TANC2: variants seen among roughly 807,000 people sequenced by gnomAD.
TANC2 encodes the protein tetratricopeptide repeat, ankyrin repeat and coiled-coil containing 2, also known as protein TANC2.
In TANC2, 26 loss-of-function variants were observed where a neutral mutation model predicts 210.5. The observed-to-expected ratio is 0.12, with a 90% confidence interval of 0.09 to 0.17. The LOEUF (loss-of-function observed/expected upper bound fraction) is 0.17, where lower values mean the gene tolerates loss of function less well. TANC2 is among the 10% of genes least tolerant of loss of function. TANC2 has a pLI of 1.00. For missense variants in TANC2, 2,129 were observed against 2,608.9 expected (o/e 0.82, Z 4.01); for synonymous variants, 931 against 967.1 (o/e 0.96, Z 0.69).
chr17:63,413,322 A>G (rs1181367743), intron 24 of TANC2: 5 of 444,462 alleles, frequency 1.1e-5, no homozygotes, highest in Non-Finnish European at 2.0e-5. Flanking sequence ...GGGCAGGCTC[A>G]CATGGTTCAA....
chr17:63,336,982 G>A (rs2046053214), intron 11 of TANC2, among the ~76,000 whole-genome samples: 1 of 151,520 alleles, frequency 6.6e-6, no homozygotes, highest in Middle Eastern at 3.2e-3. Flanking sequence ...AGAAACTGAA[G>A]GGAAAAAAAT....
At chr17:63,059,514 T>G (rs1445187892) in intron 2 of TANC2, among the ~76,000 whole-genome samples, 3 of 152,188 alleles carry the variant, frequency 2.0e-5, no homozygotes, top group Non-Finnish European at 4.4e-5. Context: ...AATTCCATCT[T>G]TTGTGTCCCA....
At chr17:63,360,897 C>CT (rs1274913323) in intron 14 of TANC2, among the ~76,000 whole-genome samples, 3 of 152,186 alleles carry the variant, frequency 2.0e-5, no homozygotes, top group Non-Finnish European at 4.4e-5. Flanking sequence ...CACGCAATGT[C>CT]TGTCTTTCAG....
intron 12 of TANC2, among the ~76,000 whole-genome samples, chr17:63,345,619 C>CAAAA (rs752643075): frequency 9.6e-4 from 83 of 86,500 alleles, no homozygotes; most frequent in African/African-American, 3.0e-3. Context: ...AATTCTGTCT[C>CAAAA]AAAAAAAAAA....
intron 17 of TANC2, chr17:63,391,000 G>T (rs994186970): frequency 6.6e-6 from 1 of 152,056 alleles, no homozygotes; most frequent in African/African-American, 2.4e-5. Flanking sequence ...TCTTACGTAC[G>T]CTCACCTCTA....
rs188414089 is a variant in TANC2 at position 63,277,588 on chromosome 17, A to G, written c.1159+9715A>G. On this transcript the variant is annotated intron_variant, in intron 9 of 27. Transcript: ENST00000689528. ...ATAGAAATTAGCAACATTTAAAAGC[A>G]GTTTTGAAGAAAACAAGTTACAGTT... Among the ~76,000 whole-genome samples, 707 of 152,184 alleles carry G rather than the reference A, an allele frequency of 4.6e-3. 2 individuals are homozygous for G. Among genetic ancestry groups the G allele is most frequent in the Non-Finnish European group, 6.5e-3 (439 of 67,992 alleles).
chr17:63,165,851 T>C (rs2040193387), intron 5 of TANC2, among the ~76,000 whole-genome samples: 1 of 152,228 alleles, frequency 6.6e-6, no homozygotes, highest in Non-Finnish European at 1.5e-5. Flanking sequence ...CTTTACCATA[T>C]TTTGTATGTC....
chr17:62,979,268 CT>C (rs2143390493), intron 1 of TANC2, among the ~76,000 whole-genome samples: 1 of 152,190 alleles, frequency 6.6e-6, no homozygotes, highest in South Asian at 2.1e-4. Context: ...TAATTCCTGT[CT>C]TTATAGTTCT....
intron 5 of TANC2, among the ~76,000 whole-genome samples, chr17:63,187,934 A>C (rs2041050415): frequency 6.6e-6 from 1 of 152,182 alleles, no homozygotes; most frequent in Non-Finnish European, 1.5e-5. Context: ...ATCAACCTAG[A>C]ATGGTATACC....
Position 63,183,637 on chromosome 17 carries a change from C to A in TANC2, c.434-10354C>A, listed in dbSNP as rs374450468. ...TGTGTCATACATGCATGTGAGAAAT[C>A]TGAACTTGTATTCCCTAAATATATA... On this transcript the variant is annotated intron_variant, in intron 5 of 27. Transcript: ENST00000689528. Among the ~76,000 whole-genome samples, 3 of 152,142 alleles carry A rather than the reference C, an allele frequency of 2.0e-5. No individual in the cohort carries two copies. In the East Asian group the frequency reaches 5.8e-4, roughly 29 times the overall value.
intron 9 of TANC2, among the ~76,000 whole-genome samples, chr17:63,291,722 C>T (rs2044389114): frequency 6.6e-6 from 1 of 152,188 alleles, no homozygotes; most frequent in Admixed American, 6.5e-5. Flanking sequence ...AAGGACTTAA[C>T]ATACATTTCC....
At chr17:63,351,488 T>G in intron 13 of TANC2, 72 bp downstream of exon 13, 1 of 1,320,808 alleles carries the variant, frequency 7.6e-7, no homozygotes, top group Non-Finnish European at 1.0e-6. Flanking sequence ...AAGTTCTAGG[T>G]CCTAGTTTCA....
intron 8 of TANC2, among the ~76,000 whole-genome samples, chr17:63,261,026 G>T (rs1402850330): frequency 6.6e-6 from 1 of 152,016 alleles, no homozygotes; most frequent in African/African-American, 2.4e-5. Context: ...GAGGCCAGGG[G>T]TTCAAGACTA....
At chr17:63,134,338 G>A (rs1372390310) in intron 4 of TANC2, among the ~76,000 whole-genome samples, 22 of 152,078 alleles carry the variant, frequency 1.4e-4, no homozygotes, top group Admixed American at 1.4e-3. Flanking sequence ...CTAGCATTGA[G>A]CACATTATAT....
At chr17:63,411,801 G>A in intron 22 of TANC2, 115 bp downstream of exon 22, 2 of 1,435,486 alleles carry the variant, frequency 1.4e-6, no homozygotes, top group Non-Finnish European at 1.9e-6. Context: ...AGAGCTCTCA[G>A]ATCTATACTT....
intron 15 of TANC2, among the ~76,000 whole-genome samples, chr17:63,384,053 T>G (rs1318154962): frequency 1.3e-5 from 2 of 152,118 alleles, no homozygotes; most frequent in African/African-American, 4.8e-5. Flanking sequence ...TGTATGACTT[T>G]AAGCAAGTTG....
rs142459083 is a variant in TANC2 at position 62,991,203 on chromosome 17, T to C, written c.-23-18334T>C. ...TTTTCTTGTGGGAAAAATTAGTAAA[T>C]ACAAAATAATATTAAAAAAACAAAT... On this transcript the variant is annotated intron_variant, in intron 1 of 27. Transcript: ENST00000689528. Among the ~76,000 whole-genome samples, 66 of 152,148 alleles carry C rather than the reference T, an allele frequency of 4.3e-4. No homozygotes were observed. In the East Asian group the frequency reaches 0.013, roughly 29 times the overall value.
intron 2 of TANC2, among the ~76,000 whole-genome samples, chr17:63,014,698 T>G (rs1005914612): frequency 3.9e-5 from 6 of 152,164 alleles, no homozygotes; most frequent in Non-Finnish European, 7.3e-5. Flanking sequence ...ATAACTACTG[T>G]GTTAGTAGAA....
Position 63,165,967 on chromosome 17 carries a change from G to T in TANC2, c.433+14587G>T, listed in dbSNP as rs191543557. On this transcript the variant is annotated intron_variant, in intron 5 of 27. Transcript: ENST00000689528. Reference sequence around the variant, plus strand: ...TAGAAATTTCAGTCAAGCACTGAAGGTTCTTGAGCTGGTCAAATATTGTAT... The same window carrying T: ...TAGAAATTTCAGTCAAGCACTGAAGTTTCTTGAGCTGGTCAAATATTGTAT... Among the ~76,000 whole-genome samples, 267 of 152,318 alleles carry T rather than the reference G, an allele frequency of 1.8e-3. 1 individual carries two copies. Among genetic ancestry groups the T allele is most frequent in the Non-Finnish European group, 2.5e-3 (169 of 68,022 alleles).
Sources: allele counts gnomAD v4.1 joint callset (sites outside exome capture counted in the v4.1 genomes callset), GRCh38; gene constraint gnomAD v4.1.1; transcripts MANE v1.5; gene names NCBI Gene and HGNC (gene_info 2026-07-23, HGNC 2026-07-21).